The following CCDC169 variants were observed in gnomAD, a reference collection of about 807,000 sequenced individuals.
CCDC169 encodes the protein coiled-coil domain-containing protein 169.
Under a neutral mutation model 36.0 loss-of-function variants are expected in CCDC169, and 30 were observed. The observed-to-expected ratio is 0.83, with a 90% CI of 0.62 to 1.13. CCDC169 has a LOEUF of 1.13. Ranked by LOEUF, CCDC169 falls within the 50% of genes most tolerant of loss-of-function variation. The pLI, the probability that CCDC169 is intolerant of heterozygous loss-of-function variation, is 0.00. For missense variants in CCDC169, 245 were observed against 245.9 expected (o/e 1.00, Z 0.03); for synonymous variants, 85 against 81.5 (o/e 1.04, Z -0.23).
chr13:36,273,148 T>C (rs912338373), intron 4 of CCDC169, among the ~76,000 whole-genome samples: 1 of 152,198 alleles, frequency 6.6e-6, no homozygotes, highest in Non-Finnish European at 1.5e-5. Flanking sequence ...TCTTATCCAT[T>C]AATTTCAATG....
At chr13:36,291,180 A>G (rs1878843918) in intron 2 of CCDC169, among the ~76,000 whole-genome samples, 1 of 152,206 alleles carries the variant, frequency 6.6e-6, no homozygotes, top group South Asian at 2.1e-4. Context: ...TAGAGATCAC[A>G]TAAGACTGAC....
At position 36,283,670 on chromosome 13, in the gene CCDC169, G is replaced by A; in HGVS notation, c.196C>T (p.Leu66Phe). 2 of 1,551,038 alleles carry A rather than the reference G, an allele frequency of 1.3e-6. No homozygotes were observed. The highest frequency in any genetic ancestry group is 2.4e-5 in the South Asian group (2 of 84,058). Reference sequence around the variant, plus strand: ...TTTTCTAGTTCATCATTTAATTCAAGTTGTGTCTCATAACGGGTTTTCCAT... The same window carrying A: ...TTTTCTAGTTCATCATTTAATTCAAATTGTGTCTCATAACGGGTTTTCCAT... ...SEWKTRYETQ[L>F]ELNDELEKQI... is the part of the protein sequence containing the mutation. The change falls in exon 3 of 8, where the codon CTT becomes TTT. Residue 66 changes from leucine to phenylalanine, a missense_variant. Leu to Phe is a conservative substitution (Grantham distance 22). Coordinates refer to ENST00000239859, the MANE Select transcript of CCDC169 (RefSeq NM_001144981.3).
chr13:36,294,602 C>A (rs1594099230), intron 2 of CCDC169, among the ~76,000 whole-genome samples: 3 of 152,164 alleles, frequency 2.0e-5, no homozygotes, highest in Admixed American at 6.5e-5. Context: ...CAGACAAAAC[C>A]CCTCAGACAC....
chr13:36,257,990 T>G (rs1347743298), intron 4 of CCDC169, among the ~76,000 whole-genome samples: 1 of 152,172 alleles, frequency 6.6e-6, no homozygotes, highest in Non-Finnish European at 1.5e-5. Flanking sequence ...AGCTGAGGAA[T>G]GGCGAATGGA....
At chr13:36,278,188 G>A (rs73547360) in intron 4 of CCDC169, among the ~76,000 whole-genome samples, 15 of 152,254 alleles carry the variant, frequency 9.9e-5, no homozygotes, top group African/African-American at 3.6e-4. Flanking sequence ...GGAACTAACA[G>A]AGCTTACTAT....
chr13:36,253,441 C>T (rs1873428795), intron 6 of CCDC169, among the ~76,000 whole-genome samples: 1 of 149,728 alleles, frequency 6.7e-6, no homozygotes, highest in Non-Finnish European at 1.5e-5. Flanking sequence ...TGGGTTCAAG[C>T]TATTCTCCTG....
chr13:36,238,968 T>G (rs1470087093), intron 7 of CCDC169, among the ~76,000 whole-genome samples: 1 of 152,190 alleles, frequency 6.6e-6, no homozygotes, highest in Non-Finnish European at 1.5e-5. Context: ...CAGTGATTCA[T>G]GCCTGTAATC....
intron 7 of CCDC169, among the ~76,000 whole-genome samples, chr13:36,234,124 C>G (rs1870780600): frequency 6.6e-6 from 1 of 152,148 alleles, no homozygotes; most frequent in Non-Finnish European, 1.5e-5. Flanking sequence ...AGAATCTAAG[C>G]CCCCACTCTT....
Position 36,231,044 on chromosome 13 carries a change from A to G in CCDC169, c.*149T>C, listed in dbSNP as rs1181630521. On this transcript the variant is annotated 3_prime_UTR_variant, in exon 8 of 8. Coordinates refer to ENST00000239859, the MANE Select transcript of CCDC169 (RefSeq NM_001144981.3). ...AAAATTACTTTTATGCAGACAAAGG[A>G]ACACACGTCTGGAAAAGGAACTAAA... 3.5e-6 allele frequency: 5 copies of G among 1,420,740 alleles called. No individual in the cohort carries two copies. In the African/African-American group the frequency reaches 7.2e-5, roughly 21 times the overall value. 88.0% of individuals were successfully genotyped at this position (1,420,740 alleles called of 1,614,324 possible).
At chr13:36,269,409 C>G (rs1023014848) in intron 4 of CCDC169, among the ~76,000 whole-genome samples, 2 of 152,080 alleles carry the variant, frequency 1.3e-5, no homozygotes, top group African/African-American at 4.8e-5. Flanking sequence ...GGGAATCCTC[C>G]CTAAATCATT....
intron 7 of CCDC169, among the ~76,000 whole-genome samples, chr13:36,235,258 A>C (rs1470914401): frequency 1.3e-5 from 2 of 151,874 alleles, no homozygotes; most frequent in African/African-American, 4.8e-5. Flanking sequence ...ATACATATAT[A>C]AAACCAATCC....
intron 4 of CCDC169, among the ~76,000 whole-genome samples, chr13:36,277,262 T>C (rs192176241): frequency 2.2e-3 from 330 of 151,984 alleles, no homozygotes; most frequent in African/African-American, 7.4e-3. Flanking sequence ...GGCCTGAACA[T>C]TGAGAACACA....
intron 4 of CCDC169, among the ~76,000 whole-genome samples, chr13:36,271,886 C>A (rs550847560): frequency 2.0e-5 from 3 of 151,830 alleles, no homozygotes; most frequent in Admixed American, 1.3e-4. Context: ...AGTTCGAGAC[C>A]AACCTGACCA....
chr13:36,279,214 G>T (rs1008067932), intron 4 of CCDC169, among the ~76,000 whole-genome samples: 1 of 152,018 alleles, frequency 6.6e-6, no homozygotes, highest in Non-Finnish European at 1.5e-5. Flanking sequence ...TGGTTGGGGT[G>T]GGGGTGGGAG....
chr13:36,270,779 G>T (rs1476321234), intron 4 of CCDC169, among the ~76,000 whole-genome samples: 1 of 141,158 alleles, frequency 7.1e-6, no homozygotes, highest in Non-Finnish European at 1.6e-5. Flanking sequence ...ACTCAAGATG[G>T]ATCAAAGACT....
At chr13:36,278,164 G>C (rs575320039) in intron 4 of CCDC169, among the ~76,000 whole-genome samples, 9 of 152,058 alleles carry the variant, frequency 5.9e-5, no homozygotes, top group Non-Finnish European at 1.0e-4. Flanking sequence ...CCTTTATCAA[G>C]GGAAAACAGA....
At chr13:36,248,246 T>G (rs953239778) in intron 7 of CCDC169, among the ~76,000 whole-genome samples, 4 of 152,214 alleles carry the variant, frequency 2.6e-5, no homozygotes, top group African/African-American at 9.6e-5. Context: ...ATCGTGATAC[T>G]TGCTTCATTA....
intron 4 of CCDC169, among the ~76,000 whole-genome samples, chr13:36,264,639 G>A (rs939534221): frequency 6.6e-6 from 1 of 152,116 alleles, no homozygotes; most frequent in African/African-American, 2.4e-5. Context: ...TCTAACTCTC[G>A]AGGCTTAAAA....
chr13:36,232,352 C>T (rs1193998713), intron 7 of CCDC169, among the ~76,000 whole-genome samples: 1 of 152,176 alleles, frequency 6.6e-6, no homozygotes, highest in African/African-American at 2.4e-5. Context: ...CTTTATTTGA[C>T]CTGACATGGA....
Sources: allele counts gnomAD v4.1 joint callset (sites outside exome capture counted in the v4.1 genomes callset), GRCh38; gene constraint gnomAD v4.1.1; transcripts MANE v1.5; gene names NCBI Gene and HGNC (gene_info 2026-07-23, HGNC 2026-07-21).